Variants in BCL2L13 observed in about 807,000 individuals in gnomAD.
BCL2L13 encodes the protein bcl-2-like protein 13.
A neutral mutation model predicts 25.8 loss-of-function variants in BCL2L13; 13 were observed. The ratio of observed to expected loss-of-function variants is 0.50; its 90% CI spans 0.33 to 0.80. BCL2L13 has a LOEUF of 0.80. Among genes scored for constraint, BCL2L13 ranks in the 30% least tolerant of loss-of-function variants. The probability of loss-of-function intolerance (pLI) is 0.02; values close to 1 mark genes in which losing one functional copy is unlikely to be tolerated. For missense variants in BCL2L13, 504 were observed against 574.9 expected, an observed-to-expected ratio of 0.88 and a Z score of 1.26; for synonymous variants, 244 against 230.3, an observed-to-expected ratio of 1.06 and a Z score of -0.54.
chr22:17,683,006 G>A (rs557086656), intron 2 of BCL2L13, among the ~76,000 whole-genome samples: 21 of 152,018 alleles, frequency 1.4e-4, no homozygotes, highest in Middle Eastern at 3.4e-3. Flanking sequence ...GGTGGCAGGC[G>A]CCTATAATCC....
intron 2 of BCL2L13, among the ~76,000 whole-genome samples, chr22:17,660,879 G>T (rs1417684424): frequency 2.1e-5 from 3 of 145,758 alleles, no homozygotes; most frequent in African/African-American, 7.3e-5. Context: ...CCACCTCCTG[G>T]GTTCAAGCAA....
intron 2 of BCL2L13, among the ~76,000 whole-genome samples, chr22:17,662,608 G>A (rs1473680903): frequency 1.3e-5 from 2 of 152,058 alleles, no homozygotes; most frequent in African/African-American, 4.8e-5. Context: ...AATCACTTGA[G>A]CCCAGGAATT....
At chr22:17,709,560 G>T (rs1261195149) in intron 6 of BCL2L13, among the ~76,000 whole-genome samples, 1 of 151,992 alleles carries the variant, frequency 6.6e-6, no homozygotes, top group South Asian at 2.1e-4. Context: ...GTGCCTCTGC[G>T]CTCCAACCTG....
chr22:17,724,155 C>A (rs2145835363), intron 6 of BCL2L13, among the ~76,000 whole-genome samples: 1 of 151,720 alleles, frequency 6.6e-6, no homozygotes, highest in Non-Finnish European at 1.5e-5. Context: ...TGCTGTTATT[C>A]CCAGCTACTC....
rs1420084937 is a variant in BCL2L13 at position 17,726,804 on chromosome 22, T to C, written c.728T>C (p.Val243Ala). 6.2e-7 allele frequency: 1 copy of C among 1,614,210 alleles called. No individual in the cohort carries two copies. Among genetic ancestry groups the C allele is most frequent in the East Asian group, 2.2e-5 (1 of 44,882 alleles). The change falls in exon 7 of 7, where the codon GTG (valine) becomes GCG (alanine). Residue 243 changes from valine to alanine, a missense_variant. Coordinates refer to ENST00000317582, the MANE Select transcript of BCL2L13 (RefSeq NM_015367.4). The stretch of plus-strand genomic sequence containing the variant: ...GTCAGTCCCCCAGAGTCTCCAACTG[T>C]GACCACTTCCTGGCAGTCTGAGAGC... Reference protein sequence around the residue: ...GQVSPPESPTVTTSWQSESLP... With the variant: ...GQVSPPESPTATTSWQSESLP...
rs946892902 is a variant in BCL2L13 at position 17,642,636 on chromosome 22, C to G, written c.-51+3750C>G. On this transcript the variant is annotated intron_variant, in intron 1 of 6. Transcript: ENST00000317582. ...GAGATGGCATTTCACTCTTGTTGCC[C>G]AGGCTGGAGTGCAATAGTGCCATCT... Among the ~76,000 whole-genome samples, 148 of 151,728 alleles carry G rather than the reference C, an allele frequency of 9.8e-4. 1 individual carries two copies. The highest frequency in any genetic ancestry group is 3.4e-3 in the Middle Eastern group (1 of 292).
Position 17,657,823 on chromosome 22 carries a change from C to CTTTTTTTTTTT in BCL2L13, c.121+2002_121+2012dup, listed in dbSNP as rs71201859. Reference sequence around the variant, plus strand: ...GAGCCACCACACCTGGTTGACATTTCTTTTTTTTTTTTTTTTTTTTTGAGA... The same window carrying CTTTTTTTTTTT: ...GAGCCACCACACCTGGTTGACATTTCTTTTTTTTTTTTTTTTTTTTTTTTTTTTTTTTGAGA... On this transcript the variant is annotated intron_variant, in intron 2 of 6. Transcript: ENST00000317582. 9.4e-3 allele frequency among the ~76,000 whole-genome samples: 802 copies of CTTTTTTTTTTT among 85,618 alleles called. 42 individuals are homozygous for CTTTTTTTTTTT. Among genetic ancestry groups the CTTTTTTTTTTT allele is most frequent in the East Asian group, 0.023 (52 of 2,214 alleles). 56.2% of individuals were successfully genotyped at this position (85,618 alleles called of 152,430 possible). A position where few individuals can be genotyped will look rare whatever the true frequency, so the allele number is the denominator to read the frequency against.
Position 17,705,228 on chromosome 22 carries a change from G to A in BCL2L13, c.600+2842G>A, listed in dbSNP as rs541720242. ...GCAGAAGTTTCAGTGAGCTGAGATC[G>A]TGCCATTGCACTCCAGCCTGGGCAA... is the stretch of plus-strand genomic sequence containing the variant. On this transcript the variant is annotated intron_variant, in intron 6 of 6. Coordinates refer to ENST00000317582, the MANE Select transcript of BCL2L13 (RefSeq NM_015367.4). 1.3e-3 allele frequency among the ~76,000 whole-genome samples: 199 copies of A among 151,866 alleles called. 1 individual carries two copies. The highest frequency in any genetic ancestry group is 2.1e-3 in the Non-Finnish European group (142 of 67,964).
At chr22:17,724,864 C>A (rs1424450139) in intron 6 of BCL2L13, among the ~76,000 whole-genome samples, 2 of 152,174 alleles carry the variant, frequency 1.3e-5, no homozygotes, top group Non-Finnish European at 1.5e-5. Flanking sequence ...TTGCGCCTTA[C>A]CCTCTGGGTT....
At chr22:17,710,625 C>T (rs1438595255) in intron 6 of BCL2L13, among the ~76,000 whole-genome samples, 1 of 151,640 alleles carries the variant, frequency 6.6e-6, no homozygotes, top group African/African-American at 2.4e-5. Context: ...GCCTGTAATC[C>T]CAGCACTTTG....
intron 4 of BCL2L13, among the ~76,000 whole-genome samples, chr22:17,695,508 G>T (rs1490362529): frequency 6.6e-6 from 1 of 152,070 alleles, no homozygotes; most frequent in Non-Finnish European, 1.5e-5. Context: ...TTTTAGTAGA[G>T]ACGGGGTTTC....
At chr22:17,630,441 G>A (rs537222689) in intron 1 of BCL2L13, among the ~76,000 whole-genome samples, 15 of 150,394 alleles carry the variant, frequency 1.0e-4, no homozygotes, top group Non-Finnish European at 1.8e-4. Context: ...CACCATGCAT[G>A]GCTAATTTTT....
upstream of BCL2L13, chr22:17,638,396 A>C (rs1680495283): frequency 3.3e-6 from 1 of 307,138 alleles, no homozygotes; most frequent in East Asian, 5.3e-5. Flanking sequence ...GTAGATACTT[A>C]TTTGACCTGC....
chr22:17,714,571 G>A (rs528348201), intron 6 of BCL2L13, among the ~76,000 whole-genome samples: 4 of 152,294 alleles, frequency 2.6e-5, no homozygotes, highest in South Asian at 4.1e-4. Context: ...GCAAGGATTC[G>A]TTAGATCAGC....
At chr22:17,641,018 G>A (rs1861298289) in intron 1 of BCL2L13, among the ~76,000 whole-genome samples, 2 of 151,778 alleles carry the variant, frequency 1.3e-5, no homozygotes, top group South Asian at 4.2e-4. Flanking sequence ...AGCCTCCCGA[G>A]TAGCTGGGAC....
chr22:17,655,535 C>A, intron 1 of BCL2L13, 127 bp from the exon 2 acceptor site: 1 of 623,280 alleles, frequency 1.6e-6, no homozygotes, highest in Non-Finnish European at 2.4e-6. Context: ...CGCCACTGCA[C>A]TCCTGCCTGA....
Position 17,660,416 on chromosome 22 carries a change from CTGAT to C in BCL2L13, c.121+4604_121+4607del, listed in dbSNP as rs371070693. 6.2e-5 allele frequency among the ~76,000 whole-genome samples: 9 copies of C among 145,662 alleles called. 2 individuals carry two copies. Among genetic ancestry groups the C allele is most frequent in the Non-Finnish European group, 7.8e-5 (5 of 63,886 alleles). ...TCAGATTGGTTTATTTCTACACTTA[CTGAT>C]TGATTGATTGATTGATTGAGGCAGA... On this transcript the variant is annotated intron_variant, in intron 2 of 6. Transcript: ENST00000317582.
Position 17,638,762 on chromosome 22 carries a change from C to G in BCL2L13, c.-175C>G. 1 of 1,231,716 alleles carries G rather than the reference C, an allele frequency of 8.1e-7. No homozygotes were observed. Among genetic ancestry groups the G allele is most frequent in the Non-Finnish European group, 1.0e-6 (1 of 987,960 alleles). The allele number at this position is 1,231,716 out of a possible 1,614,324, so 76.3% of individuals were successfully genotyped here. On this transcript the variant is annotated 5_prime_UTR_variant, in exon 1 of 7. Coordinates refer to ENST00000317582, the MANE Select transcript of BCL2L13 (RefSeq NM_015367.4). ...AGGCACGCCGGGGTGACCTCACCCT[C>G]CAACATGGCGGCGGCGGTAGATTAG...
At chr22:17,662,968 C>G (rs1426892541) in intron 2 of BCL2L13, among the ~76,000 whole-genome samples, 1 of 151,948 alleles carries the variant, frequency 6.6e-6, no homozygotes, top group African/African-American at 2.4e-5. Flanking sequence ...ACCTGTTGGG[C>G]TCAAGCAATT....
Sources: allele counts gnomAD v4.1 joint callset (sites outside exome capture counted in the v4.1 genomes callset), GRCh38; gene constraint gnomAD v4.1.1; transcripts MANE v1.5; gene names NCBI Gene and HGNC (gene_info 2026-07-23, HGNC 2026-07-21).